ARAP2: variants seen among roughly 807,000 people sequenced by gnomAD.
ARAP2 encodes arf-GAP with Rho-GAP domain, ANK repeat and PH domain-containing protein 2.
ARAP2 carries 148 observed loss-of-function variants against 194.5 expected under a neutral mutation model. The observed-to-expected ratio is 0.76, with a 90% CI of 0.67 to 0.87. ARAP2 has a LOEUF of 0.87. ARAP2 is among the 40% of genes least tolerant of loss of function. The pLI is 0.00. For synonymous variants in ARAP2, 695 were observed against 683.5 expected, an observed-to-expected ratio of 1.02 and a Z score of -0.26; for missense variants, 2,128 against 1,989.7, an observed-to-expected ratio of 1.07 and a Z score of -1.32.
intron 3 of ARAP2, among the ~76,000 whole-genome samples, chr4:36,051,370 G>C (rs764983001): frequency 6.6e-6 from 1 of 152,012 alleles, no homozygotes; most frequent in African/African-American, 2.4e-5. Context: ...CCAGCTACTC[G>C]GGAGGCTGAG....
chr4:36,107,482 C>G lies in ARAP2; in HGVS notation c.4285+83G>C. On this transcript the variant is annotated intron_variant, in intron 27 of 32. Transcript: ENST00000303965. ...TCTAGCTACTCGTTTTTCACATTTT[C>G]AAATATTACTTGTGCCATATTAATT... is the stretch of plus-strand genomic sequence containing the variant. The G allele has an allele frequency of 2.1e-6, 3 of 1,400,758 alleles. No individual in the cohort carries two copies. The South Asian group carries it at 4.7e-5, about 22-fold the overall frequency. 86.8% of individuals were successfully genotyped at this position (1,400,758 alleles called of 1,614,324 possible). A position where few individuals can be genotyped will look rare whatever the true frequency, so the allele number is the denominator to read the frequency against.
At chr4:36,225,511 G>C (rs1234639857) in intron 2 of ARAP2, among the ~76,000 whole-genome samples, 3 of 152,074 alleles carry the variant, frequency 2.0e-5, no homozygotes, top group Non-Finnish European at 4.4e-5. Flanking sequence ...GGTGCTTGGA[G>C]CCTAGTCCTG....
At chr4:36,199,085 C>T (rs1743814412) in intron 6 of ARAP2, among the ~76,000 whole-genome samples, 2 of 152,210 alleles carry the variant, frequency 1.3e-5, no homozygotes, top group South Asian at 2.1e-4. Flanking sequence ...GCAGGGCTCC[C>T]ACTTGTCCTT....
At chr4:36,123,905 A>G (rs1472602417) in intron 22 of ARAP2, among the ~76,000 whole-genome samples, 1 of 151,780 alleles carries the variant, frequency 6.6e-6, no homozygotes, top group Non-Finnish European at 1.5e-5. Flanking sequence ...TGAAGCATAG[A>G]AGCATCCCCT....
At chr4:36,023,422 T>A (rs1717351170) in intron 5 of ARAP2, among the ~76,000 whole-genome samples, 1 of 152,192 alleles carries the variant, frequency 6.6e-6, no homozygotes, top group African/African-American at 2.4e-5. Context: ...ATCATCTTCA[T>A]CTTGTTGGTA....
chr4:36,068,413 G>A (rs1450232117), intron 32 of ARAP2, 135 bp from the exon 33 acceptor site: 3 of 910,164 alleles, frequency 3.3e-6, no homozygotes, highest in South Asian at 2.5e-5. Flanking sequence ...ACTTTACTTC[G>A]ATACAAGTGG....
intron 27 of ARAP2, among the ~76,000 whole-genome samples, chr4:36,106,522 G>A (rs1423486407): frequency 6.6e-6 from 1 of 151,842 alleles, no homozygotes; most frequent in Admixed American, 6.6e-5. Context: ...ATAAGCTTTG[G>A]TACAATTAAG....
Position 36,168,265 on chromosome 4 carries a change from C to G in ARAP2, c.1858-1218G>C, listed in dbSNP as rs954823186. Among the ~76,000 whole-genome samples the G allele has an allele frequency of 2.0e-5, 3 of 152,176 alleles. No individual in the cohort carries two copies. The South Asian group carries it at 6.2e-4, about 32-fold the overall frequency. Reference sequence around the variant, plus strand: ...GAAGAAGAAAGCCTTTCAGCCCTTACTTTTCCATCTTCTGGGGAAGTAACT... The same window carrying G: ...GAAGAAGAAAGCCTTTCAGCCCTTAGTTTTCCATCTTCTGGGGAAGTAACT... On this transcript the variant is annotated intron_variant, in intron 9 of 32. Transcript: ENST00000303965.
intron 27 of ARAP2, among the ~76,000 whole-genome samples, chr4:36,096,906 C>T (rs889541148): frequency 1.3e-5 from 2 of 151,926 alleles, no homozygotes; most frequent in African/African-American, 2.4e-5. Context: ...ATCTATAATG[C>T]CTTGTTGGTT....
intron 19 of ARAP2, among the ~76,000 whole-genome samples, chr4:36,138,227 T>C (rs923693696): frequency 1.3e-5 from 2 of 151,700 alleles, no homozygotes; most frequent in Non-Finnish European, 3.0e-5. Context: ...GTTTGGTCAT[T>C]AGAATTTTTA....
chr4:36,073,673 C>A lies in ARAP2; in HGVS notation c.4743+16G>T. The A allele has an allele frequency of 6.2e-7, 1 of 1,607,166 alleles. No homozygotes were observed. On this transcript the variant is annotated intron_variant, in intron 32 of 32. Transcript: ENST00000303965. Reference sequence around the variant, plus strand: ...ATTCTATAATTGAATATAAAACAAACAAAATCCTAACCTACCTCAATATTT... The same window carrying A: ...ATTCTATAATTGAATATAAAACAAAAAAAATCCTAACCTACCTCAATATTT...
chr4:36,222,510 GA>G (rs1472150676), intron 2 of ARAP2, among the ~76,000 whole-genome samples: 2 of 150,814 alleles, frequency 1.3e-5, no homozygotes, highest in African/African-American at 4.8e-5. Flanking sequence ...AATAGTAAGT[GA>G]AACACCAAAC....
intron 32 of ARAP2, among the ~76,000 whole-genome samples, chr4:36,072,437 C>T (rs1379055053): frequency 2.0e-5 from 3 of 151,984 alleles, no homozygotes; most frequent in Non-Finnish European, 4.4e-5. Flanking sequence ...ATATTAGATA[C>T]TGGTTAATGT....
intron 7 of ARAP2, among the ~76,000 whole-genome samples, chr4:36,189,310 T>C (rs1228863653): frequency 6.6e-5 from 10 of 152,216 alleles, no homozygotes; most frequent in African/African-American, 2.4e-4. Context: ...CATAGTGATG[T>C]CATGATACAT....
At chr4:36,168,022 A>C (rs1351857872) in intron 9 of ARAP2, among the ~76,000 whole-genome samples, 1 of 152,192 alleles carries the variant, frequency 6.6e-6, no homozygotes, top group Non-Finnish European at 1.5e-5. Context: ...CAAAAAAAAA[A>C]AAAATACTGG....
chr4:36,097,507 C>A (rs1426931483), intron 27 of ARAP2, among the ~76,000 whole-genome samples: 1 of 152,072 alleles, frequency 6.6e-6, no homozygotes, highest in Non-Finnish European at 1.5e-5. Context: ...TCCAGTAATT[C>A]ATTCTTCCAA....
intron 5 of ARAP2, among the ~76,000 whole-genome samples, chr4:36,027,020 C>T (rs552715930): frequency 6.6e-6 from 1 of 152,314 alleles, no homozygotes; most frequent in Non-Finnish European, 1.5e-5. Context: ...CCTGTATGAT[C>T]ACATTCAGGG....
chr4:36,244,492 C>G lies in ARAP2; in HGVS notation c.-473G>C, dbSNP rs538913201. On this transcript the variant is annotated 5_prime_UTR_variant, in exon 1 of 33. Transcript: ENST00000303965. Reference sequence around the variant, plus strand: ...GCGCCTTGCTCAGGTGCTCCCGCGCCTCGCCTCGGCCGCCGCTTCCTCTCC... The same window carrying G: ...GCGCCTTGCTCAGGTGCTCCCGCGCGTCGCCTCGGCCGCCGCTTCCTCTCC... The G allele has an allele frequency of 6.6e-6, 1 of 151,182 alleles. No homozygotes were observed. Among genetic ancestry groups the G allele is most frequent in the Non-Finnish European group, 1.5e-5 (1 of 67,706 alleles). The allele number at this position is 151,182 out of a possible 1,614,324, so 9.4% of individuals were successfully genotyped here. A position where few individuals can be genotyped will look rare whatever the true frequency, so the allele number is the denominator to read the frequency against.
intron 9 of ARAP2, among the ~76,000 whole-genome samples, chr4:36,174,820 A>C (rs1737458563): frequency 6.6e-6 from 1 of 152,146 alleles, no homozygotes; most frequent in South Asian, 2.1e-4. Context: ...ATAAAAACCC[A>C]CAACTGCAAC....
Sources: gnomAD v4.1 joint callset for allele counts (sites outside exome capture counted in the v4.1 genomes callset) on GRCh38, gnomAD v4.1.1 for gene constraint, MANE v1.5 for transcripts, NCBI Gene and HGNC (gene_info 2026-07-23, HGNC 2026-07-21) for gene names.